PLXNA4: variants seen among roughly 807,000 people sequenced by gnomAD.
The protein encoded by PLXNA4 is plexin A4.
PLXNA4 carries 44 observed loss-of-function variants against 191.8 expected under a neutral mutation model. That is an observed-to-expected ratio of 0.23 (90% confidence interval 0.18 to 0.29). The LOEUF is 0.29. PLXNA4 is among the 10% of genes least tolerant of loss of function. The pLI, the probability that PLXNA4 is intolerant of heterozygous loss-of-function variation, is 1.00. For synonymous variants in PLXNA4, 1,082 were observed against 1,009.5 expected (o/e 1.07, Z -1.36); for missense variants, 1,800 against 2,488.8 (o/e 0.72, Z 5.89).
intron 3 of PLXNA4, among the ~76,000 whole-genome samples, chr7:132,426,751 T>C (rs941862975): frequency 6.6e-6 from 1 of 151,988 alleles, no homozygotes; most frequent in Non-Finnish European, 1.5e-5. Context: ...GGGTGAAAAT[T>C]AGAGGGCAAA....
chr7:132,412,786 G>C (rs1794511842), intron 3 of PLXNA4, among the ~76,000 whole-genome samples: 1 of 152,190 alleles, frequency 6.6e-6, no homozygotes, highest in Non-Finnish European at 1.5e-5. Flanking sequence ...TTATTCCAGA[G>C]AGCTCACTGC....
At chr7:132,170,614 TGG>T (rs1796256300) in intron 21 of PLXNA4, among the ~76,000 whole-genome samples, 1 of 152,220 alleles carries the variant, frequency 6.6e-6, no homozygotes, top group African/African-American at 2.4e-5. Flanking sequence ...GGCAAGGCAC[TGG>T]CAGGAGGCCG....
At chr7:132,209,692 A>G (rs1043916739) in intron 10 of PLXNA4, among the ~76,000 whole-genome samples, 1 of 152,106 alleles carries the variant, frequency 6.6e-6, no homozygotes, top group Non-Finnish European at 1.5e-5. Context: ...CCCCTGGACT[A>G]CTTCCTGCAG....
intron 3 of PLXNA4, among the ~76,000 whole-genome samples, chr7:132,425,481 C>G (rs10251424): frequency 2.6e-5 from 4 of 151,924 alleles, no homozygotes; most frequent in Non-Finnish European, 5.9e-5. Flanking sequence ...GTCTGTCTCC[C>G]GGAACCCCAG....
At chr7:132,155,525 G>T (rs1300132234) in intron 25 of PLXNA4, among the ~76,000 whole-genome samples, 1 of 152,238 alleles carries the variant, frequency 6.6e-6, no homozygotes, top group Non-Finnish European at 1.5e-5. Context: ...TCTCGTGTTT[G>T]TTGAAGAGTT....
intron 21 of PLXNA4, among the ~76,000 whole-genome samples, chr7:132,170,469 T>C (rs1386517330): frequency 6.6e-6 from 1 of 152,190 alleles, no homozygotes; most frequent in East Asian, 1.9e-4. Flanking sequence ...AGCAGCTACA[T>C]CCTCCTGCTC....
At chr7:132,153,281 G>A (rs1795697694) in intron 25 of PLXNA4, among the ~76,000 whole-genome samples, 1 of 152,192 alleles carries the variant, frequency 6.6e-6, no homozygotes, top group Non-Finnish European at 1.5e-5. Context: ...AGGCTGGAGA[G>A]GTGTAGGGAG....
chr7:132,290,937 G>A (rs1257257904), intron 4 of PLXNA4, among the ~76,000 whole-genome samples: 5 of 152,192 alleles, frequency 3.3e-5, no homozygotes, highest in Non-Finnish European at 5.9e-5. Flanking sequence ...AATAGCTAAC[G>A]TTTGCTGAAT....
rs202196714 is a variant in PLXNA4, at chr7:132,202,612, C to A, written c.2586+34G>T. The A allele has an allele frequency of 3.5e-6, 5 of 1,437,688 alleles. No individual in the cohort carries two copies. The East Asian group carries it at 1.0e-4, about 30-fold the overall frequency. 89.1% of individuals were successfully genotyped at this position (1,437,688 alleles called of 1,614,324 possible). ...GTGTGGCACAGCAGCCTGGAGCCTG[C>A]CCATTTGGAGCAGGAGGCCCGACCC... On this transcript the variant is annotated intron_variant, in intron 12 of 31. Transcript: ENST00000321063.
rs1420681845 is a variant in PLXNA4, at chr7:132,508,960, G to T, written c.-86-181C>A. Among the ~76,000 whole-genome samples the T allele has an allele frequency of 6.6e-6, 1 of 152,204 alleles. No individual in the cohort carries two copies. Among genetic ancestry groups the T allele is most frequent in the Non-Finnish European group, 1.5e-5 (1 of 68,034 alleles). ...CATGTGACACAGTCAGAGCCGGGTG[G>T]CAGCAGCCCCAGGAGGACACATCAG... On this transcript the variant is annotated intron_variant, in intron 1 of 31. Transcript: ENST00000321063. The surrounding 1 kb of genome is among the most constrained non-coding windows in gnomAD (Gnocchi z 4.4).
At chr7:132,352,560 A>C (rs1803535337) in intron 3 of PLXNA4, among the ~76,000 whole-genome samples, 1 of 152,156 alleles carries the variant, frequency 6.6e-6, no homozygotes, top group Non-Finnish European at 1.5e-5. Flanking sequence ...CTGCCTGGTC[A>C]ATCCTTGAAA....
rs12533871 is a variant in PLXNA4, at chr7:132,393,197, C to G, written c.1372-94975G>C. ...GCAACATTGACCCCCAACACCCCCCCCCACCACCACCACCACTGACCCCAG... is the reference window on the plus strand; with the variant it reads ...GCAACATTGACCCCCAACACCCCCCGCCACCACCACCACCACTGACCCCAG... On this transcript the variant is annotated intron_variant, in intron 3 of 31. Coordinates refer to ENST00000321063, the MANE Select transcript of PLXNA4 (RefSeq NM_020911.2). Among the ~76,000 whole-genome samples, 6 of 135,398 alleles carry G rather than the reference C, an allele frequency of 4.4e-5. 1 individual carries two copies. In the South Asian group the frequency reaches 7.0e-4, roughly 16 times the overall value. 88.8% of individuals were successfully genotyped at this position (135,398 alleles called of 152,430 possible). A position where few individuals can be genotyped will look rare whatever the true frequency, so the allele number is the denominator to read the frequency against.
Position 132,228,447 on chromosome 7 carries a change from C to G in PLXNA4, c.1627G>C (p.Glu543Gln), listed in dbSNP as rs75211565. ...AACCTGCGGGGCTCCTTGGACCGCT[C>G]ACACCGCTCCTTCCGGGTGCAACTG... ...HNTCTRKERC[E>Q]RSKEPRRFAS... Residue 543 changes from glutamate (E) to glutamine (Q), a missense_variant, in exon 6 of 32, where the codon GAG becomes CAG. By Grantham distance (29) the Glu-to-Gln change is conservative. This residue lies in a region of PLXNA4 where 1,397 missense variants were observed against 1,880.4 expected (regional missense o/e 0.74). Coordinates refer to ENST00000321063, the MANE Select transcript of PLXNA4 (RefSeq NM_020911.2). The G allele has an allele frequency of 1.2e-5, 19 of 1,614,132 alleles. No individual in the cohort carries two copies. The East Asian group carries it at 4.2e-4, about 36-fold the overall frequency.
At chr7:132,562,430 TTTTCCTCTTCATCCTC>T (rs1801231487) in intron 1 of PLXNA4, among the ~76,000 whole-genome samples, 1 of 117,838 alleles carries the variant, frequency 8.5e-6, no homozygotes. Flanking sequence ...CTCCTACTCC[TTTTCCTCTTCATCCTC>T]CTCCTCCTTC....
intron 1 of PLXNA4, among the ~76,000 whole-genome samples, chr7:132,529,894 C>T (rs886800555): frequency 7.2e-5 from 11 of 152,136 alleles, no homozygotes; most frequent in East Asian, 3.9e-4. Flanking sequence ...CGTGAGCCAC[C>T]GCGCCTGGCC....
At chr7:132,393,706 T>C (rs1793621093) in intron 3 of PLXNA4, among the ~76,000 whole-genome samples, 1 of 151,894 alleles carries the variant, frequency 6.6e-6, no homozygotes, top group African/African-American at 2.4e-5. Context: ...GCAAGGGAAG[T>C]GGAGAGGATG....
At chr7:132,501,717 C>T (rs1463532871) in intron 2 of PLXNA4, among the ~76,000 whole-genome samples, 5 of 152,148 alleles carry the variant, frequency 3.3e-5, no homozygotes, top group African/African-American at 9.7e-5. Context: ...GTGCCATCTC[C>T]GAGAGAGTGG....
At chr7:132,154,072 C>T (rs1795722551) in intron 25 of PLXNA4, among the ~76,000 whole-genome samples, 1 of 152,190 alleles carries the variant, frequency 6.6e-6, no homozygotes, top group Non-Finnish European at 1.5e-5. Flanking sequence ...CCTGGACCTC[C>T]ACCCCTGCCA....
chr7:132,411,106 C>T (rs1306274676), intron 3 of PLXNA4, among the ~76,000 whole-genome samples: 2 of 152,214 alleles, frequency 1.3e-5, no homozygotes, highest in Admixed American at 1.3e-4. Flanking sequence ...TGCTTGATCT[C>T]ATGTTTTCAC....
Sources: allele counts gnomAD v4.1 joint callset (sites outside exome capture counted in the v4.1 genomes callset), GRCh38; gene constraint gnomAD v4.1.1; regional missense constraint gnomAD v4.1.1; non-coding constraint Gnocchi (gnomAD v3.1); transcripts MANE v1.5; gene names NCBI Gene and HGNC (gene_info 2026-07-23, HGNC 2026-07-21).